Variants in TTI2 observed in about 807,000 individuals in gnomAD.
TTI2 encodes the protein TELO2 interacting protein 2.
A neutral mutation model predicts 44.9 loss-of-function variants in TTI2; 26 were observed. That is an observed-to-expected ratio of 0.58 (90% CI 0.42 to 0.80). TTI2 has a LOEUF of 0.80. Ranked by LOEUF, TTI2 falls within the 30% of genes least tolerant of loss-of-function variation. TTI2 has a pLI of 0.00. For synonymous variants in TTI2, 254 were observed against 250.9 expected (o/e 1.01, Z -0.12); for missense variants, 582 against 611.6 (o/e 0.95, Z 0.51).
Position 33,509,822 on chromosome 8 carries a change from A to C in TTI2, c.758T>G (p.Leu253Trp). The C allele has an allele frequency of 6.2e-7, 1 of 1,614,160 alleles. No individual in the cohort carries two copies. Among genetic ancestry groups the C allele is most frequent in the Non-Finnish European group, 8.5e-7 (1 of 1,180,024 alleles). The stretch of plus-strand genomic sequence containing the variant: ...AGTCTGATAGTCATCTGAAATGACC[A>C]ATGATGCGGGAAGTACCCTTTCCAG... ...QHLERVLPASLVISDDYQTEN... is the reference protein window; with the variant it reads ...QHLERVLPASWVISDDYQTEN... The change falls in exon 3 of 8, where the codon TTG becomes TGG. Residue 253 changes from leucine to tryptophan, a missense_variant. By Grantham distance (61) the Leu-to-Trp change is moderately conservative. Coordinates refer to ENST00000431156, the MANE Select transcript of TTI2 (RefSeq NM_001102401.4).
intron 6 of TTI2, among the ~76,000 whole-genome samples, chr8:33,502,868 G>A (rs1428709657): frequency 6.6e-6 from 1 of 151,086 alleles, no homozygotes; most frequent in African/African-American, 2.4e-5. Flanking sequence ...GGTGGCTCAC[G>A]CCTGTAACCC....
At chr8:33,503,626 C>T (rs1400294568) in intron 5 of TTI2, 54 bp from the exon 6 acceptor site, 2 of 1,610,844 alleles carry the variant, frequency 1.2e-6, no homozygotes, top group Non-Finnish European at 1.7e-6. Context: ...GCCTGTAATC[C>T]CAGTACTTTG....
chr8:33,501,742 TGA>T (rs1809085390), intron 6 of TTI2, among the ~76,000 whole-genome samples: 1 of 152,142 alleles, frequency 6.6e-6, no homozygotes, highest in South Asian at 2.1e-4. Context: ...TATAAGGAAG[TGA>T]GAGAATACGG....
chr8:33,502,983 G>C (rs1464759964), intron 6 of TTI2, among the ~76,000 whole-genome samples: 1 of 151,740 alleles, frequency 6.6e-6, no homozygotes, highest in Admixed American at 6.6e-5. Flanking sequence ...CAAAAAATTA[G>C]CCGGGCCTGG....
intron 4 of TTI2, among the ~76,000 whole-genome samples, chr8:33,505,837 T>G (rs1809273870): frequency 6.6e-6 from 1 of 152,170 alleles, no homozygotes; most frequent in Admixed American, 6.5e-5. Flanking sequence ...GCATTTTTAG[T>G]AGAGATGGGA....
At position 33,499,043 on chromosome 8, in the gene TTI2, AGGAAG is replaced by A; in HGVS notation, c.*125_*129del. On this transcript the variant is annotated 3_prime_UTR_variant, in exon 8 of 8. Coordinates refer to ENST00000431156, the MANE Select transcript of TTI2 (RefSeq NM_001102401.4). The stretch of plus-strand genomic sequence containing the variant: ...CCTATTCTTATGGAGGTAAAAGGAA[AGGAAG>A]GAAGGAAAAAGCAGCTTTCACTTAC... The A allele has an allele frequency of 1.3e-6, 1 of 774,294 alleles. No individual in the cohort carries two copies. The highest frequency in any genetic ancestry group is 1.5e-5 in the South Asian group (1 of 65,314). The allele number at this position is 774,294 out of a possible 1,614,324, so 48.0% of individuals were successfully genotyped here.
rs375003153 is a variant in TTI2 at position 33,499,199 on chromosome 8, C to T, written c.1501G>A (p.Glu501Lys). The change falls in exon 8 of 8, where the codon GAA becomes AAA. Residue 501 changes from glutamate to lysine, a missense_variant. Coordinates refer to ENST00000431156, the MANE Select transcript of TTI2 (RefSeq NM_001102401.4). The part of the protein sequence containing the change: ...NYIRKVQQVS[E>K]GAPYNGT ...TAAGTTCCATTGTAGGGTGCGCCTTCAGAAACCTGCTGCACTTTTCTGATA... is the reference window on the plus strand; with the variant it reads ...TAAGTTCCATTGTAGGGTGCGCCTTTAGAAACCTGCTGCACTTTTCTGATA... 11 of 1,613,984 alleles carry T rather than the reference C, an allele frequency of 6.8e-6. No individual in the cohort carries two copies. The highest frequency in any genetic ancestry group is 8.5e-6 in the Non-Finnish European group (10 of 1,180,004).
At chr8:33,502,838 A>G (rs1475705272) in intron 6 of TTI2, among the ~76,000 whole-genome samples, 1 of 104,600 alleles carries the variant, frequency 9.6e-6, no homozygotes, top group East Asian at 2.7e-4. Context: ...AAACAAAAAC[A>G]AAAACAAAAG....
intron 3 of TTI2, among the ~76,000 whole-genome samples, chr8:33,508,617 C>CA (rs55717202): frequency 0.016 from 1,042 of 63,590 alleles, 67 homozygotes; most frequent in African/African-American, 0.047. Context: ...GACTCTGCCT[C>CA]AAAAAAAAAA....
At chr8:33,504,289 A>ATTTTTTTTTTTTTTTTTTTTTTTTTT in intron 4 of TTI2, among the ~76,000 whole-genome samples, 1 of 72,978 alleles carries the variant, frequency 1.4e-5, no homozygotes, top group Non-Finnish European at 2.4e-5. Context: ...ATATTTACAC[A>ATTTTTTTTTTTTTTTTTTTTTTTTTT]TTTTTTTTTT....
intron 4 of TTI2, among the ~76,000 whole-genome samples, chr8:33,506,707 A>ATTTTTTTTTTTG (rs1809310306): frequency 1.2e-5 from 1 of 85,154 alleles, no homozygotes; most frequent in African/African-American, 4.8e-5. Context: ...TTTTTTTTTA[A>ATTTTTTTTTTTG]ATTGAGATGG....
At chr8:33,505,154 C>T (rs567785206) in intron 4 of TTI2, among the ~76,000 whole-genome samples, 7 of 152,032 alleles carry the variant, frequency 4.6e-5, no homozygotes, top group Non-Finnish European at 7.4e-5. Flanking sequence ...ACCTGGGAGG[C>T]GAAGGTTGCA....
chr8:33,506,389 C>CCTTTTT (rs749681404), intron 4 of TTI2, among the ~76,000 whole-genome samples: 15 of 106,914 alleles, frequency 1.4e-4, no homozygotes, highest in African/African-American at 5.0e-4. Context: ...AAGTAACGTA[C>CCTTTTT]TTTTTTTTTT....
intron 3 of TTI2, among the ~76,000 whole-genome samples, chr8:33,509,241 A>C (rs2732299): frequency 1.3e-5 from 2 of 151,372 alleles, no homozygotes; most frequent in African/African-American, 2.4e-5. Context: ...GGTGGATCAC[A>C]AGGTCAGGAG....
In TTI2 at chr8:33,503,802, T is replaced by A. The variant is rs775103730; in HGVS notation, c.1061A>T (p.His354Leu). ...RLILTHMEPE[H>L]RLLLRRTYAR... is the part of the protein sequence containing the mutation. ...GTAGGTCCTGCGTAAAAGAAGGCGG[T>A]GCTCTGGCTCCATGTGGGTCAGGAT... Residue 354 changes from histidine (H) to leucine (L), a missense_variant, in exon 5 of 8, where the codon CAC (histidine) becomes CTC (leucine). Transcript: ENST00000431156. The A allele has an allele frequency of 1.2e-6, 2 of 1,614,072 alleles. No individual in the cohort carries two copies. Among genetic ancestry groups the A allele is most frequent in the South Asian group, 2.2e-5 (2 of 91,076 alleles).
At chr8:33,505,054 C>G (rs1454932049) in intron 4 of TTI2, among the ~76,000 whole-genome samples, 1 of 152,108 alleles carries the variant, frequency 6.6e-6, no homozygotes, top group Non-Finnish European at 1.5e-5. Context: ...AAAACCCCGT[C>G]TCTGCTAAAA....
intron 6 of TTI2, among the ~76,000 whole-genome samples, chr8:33,502,349 C>A (rs1809113970): frequency 6.6e-6 from 1 of 152,172 alleles, no homozygotes; most frequent in South Asian, 2.1e-4. Flanking sequence ...CAAAGTTAAG[C>A]AAATGTTTTA....
At chr8:33,504,987 C>T (rs1236035125) in intron 4 of TTI2, among the ~76,000 whole-genome samples, 2 of 152,174 alleles carry the variant, frequency 1.3e-5, no homozygotes, top group African/African-American at 2.4e-5. Context: ...TCTTGGGAAG[C>T]CAAGGCGGGC....
intron 4 of TTI2, 121 bp from the exon 5 acceptor site, chr8:33,504,056 A>G (rs1809207133): frequency 2.0e-6 from 2 of 998,512 alleles, no homozygotes; most frequent in African/African-American, 1.6e-5. Flanking sequence ...GAATTCTAAG[A>G]TACTAGTAAT....
Sources: gnomAD v4.1 joint callset for allele counts (sites outside exome capture counted in the v4.1 genomes callset) on GRCh38, gnomAD v4.1.1 for gene constraint, MANE v1.5 for transcripts, NCBI Gene and HGNC (gene_info 2026-07-23, HGNC 2026-07-21) for gene names.